CELF2: variants seen among roughly 807,000 people sequenced by gnomAD.
CELF2 encodes the protein CUG triplet repeat RNA-binding protein 2.
CELF2 carries 8 observed loss-of-function variants against 62.6 expected under a neutral mutation model. The observed-to-expected ratio is 0.13, with a 90% CI of 0.07 to 0.23. The LOEUF (loss-of-function observed/expected upper bound fraction) is 0.23. Among genes scored for constraint, CELF2 ranks in the 10% least tolerant of loss-of-function variants. The probability of loss-of-function intolerance (pLI) is 1.00; values close to 1 mark genes in which losing one functional copy is unlikely to be tolerated. For synonymous variants in CELF2, 258 were observed against 250.0 expected, an observed-to-expected ratio of 1.03 and a Z score of -0.30; for missense variants, 333 against 671.0, an observed-to-expected ratio of 0.50 and a Z score of 5.56.
intron 1 of CELF2, among the ~76,000 whole-genome samples, chr10:11,149,401 C>A (rs1424458438): frequency 6.6e-6 from 1 of 152,184 alleles, no homozygotes; most frequent in Non-Finnish European, 1.5e-5. Flanking sequence ...AATGTCCCCA[C>A]CCTCATCAGC....
chr10:10,652,634 C>T, the CELF2 span, among the ~76,000 whole-genome samples: 24 of 151,338 alleles, frequency 1.6e-4, no homozygotes, highest in Middle Eastern at 3.4e-3. Context: ...GCTTCATAAG[C>T]GAAGGAGAAA....
the CELF2 span, among the ~76,000 whole-genome samples, chr10:10,656,931 A>G: frequency 4.0e-5 from 6 of 151,652 alleles, no homozygotes; most frequent in East Asian, 1.9e-4. Context: ...AAAAAAAAAA[A>G]AAAGAAAACG....
the CELF2 span, among the ~76,000 whole-genome samples, chr10:10,769,910 T>C: frequency 6.6e-6 from 1 of 152,134 alleles, no homozygotes; most frequent in Non-Finnish European, 1.5e-5. Flanking sequence ...TTTACAGCAG[T>C]AGGGAGACTA....
chr10:10,875,010 A>T (rs889098613), intron 1 of CELF2, among the ~76,000 whole-genome samples: 7 of 152,238 alleles, frequency 4.6e-5, no homozygotes, highest in Non-Finnish European at 1.0e-4. Flanking sequence ...ATTATCAAGA[A>T]TAGTTAATAT....
chr10:10,954,150 T>C (rs2135802363), intron 2 of CELF2, among the ~76,000 whole-genome samples: 1 of 151,364 alleles, frequency 6.6e-6, no homozygotes. Flanking sequence ...GCCTCCCCTC[T>C]CCCACTGTGG....
Position 11,300,801 on chromosome 10 carries a change from A to G in CELF2, c.976+12249A>G, listed in dbSNP as rs2093644301. 6.6e-6 allele frequency among the ~76,000 whole-genome samples: 1 copy of G among 152,146 alleles called. No individual in the cohort carries two copies. Among genetic ancestry groups the G allele is most frequent in the Non-Finnish European group, 1.5e-5 (1 of 68,026 alleles). ...GACCGCGGGCTCCAGTGTCCTGAGT[A>G]TGTTTGGTCAATGCAGGCGATTTTC... On this transcript the variant is annotated intron_variant, in intron 9 of 12. Coordinates refer to ENST00000633077, the MANE Select transcript of CELF2 (RefSeq NM_001326342.2). The surrounding 1 kb of genome is among the most constrained non-coding windows in gnomAD (Gnocchi z 5.5).
At chr10:10,967,582 A>T (rs908314533) in intron 2 of CELF2, among the ~76,000 whole-genome samples, 1 of 152,232 alleles carries the variant, frequency 6.6e-6, no homozygotes, top group Non-Finnish European at 1.5e-5. Context: ...TGTGACCCTG[A>T]GTGCAGGAAG....
rs1206802120 is a variant in CELF2, at chr10:10,938,785, A to T, written c.89+18786A>T. ...GTGTAGGTGGGTTAGTGCCTGGACA[A>T]CTCAGGCTCGAGCCCGCTGGGGACC... On this transcript the variant is annotated intron_variant, in intron 2 of 13. Coordinates refer to the CELF2 transcript ENST00000636488. The surrounding 1 kb of genome is among the most constrained non-coding windows in gnomAD (Gnocchi z 4.2). Among the ~76,000 whole-genome samples, 1 of 152,046 alleles carries T rather than the reference A, an allele frequency of 6.6e-6. No individual in the cohort carries two copies. Among genetic ancestry groups the T allele is most frequent in the Non-Finnish European group, 1.5e-5 (1 of 67,996 alleles).
intron 1 of CELF2, among the ~76,000 whole-genome samples, chr10:11,099,640 A>G (rs1199381958): frequency 1.3e-5 from 2 of 152,220 alleles, no homozygotes; most frequent in Non-Finnish European, 2.9e-5. Context: ...AAATTTTTGT[A>G]GTCGGTGCTA....
At chr10:10,740,822 G>T in the CELF2 span, among the ~76,000 whole-genome samples, 1 of 152,126 alleles carries the variant, frequency 6.6e-6, no homozygotes, top group Non-Finnish European at 1.5e-5. Flanking sequence ...AGTGAAATAA[G>T]CCACAGAAAG....
chr10:11,007,606 T>A, intron 1 of CELF2, among the ~76,000 whole-genome samples: 1 of 152,222 alleles, frequency 6.6e-6, no homozygotes, highest in East Asian at 1.9e-4. Flanking sequence ...TCGGAACTGC[T>A]CATTCCATCG....
intron 1 of CELF2, among the ~76,000 whole-genome samples, chr10:10,866,560 G>A (rs1425430559): frequency 2.8e-5 from 4 of 140,596 alleles, no homozygotes; most frequent in African/African-American, 5.4e-5. Flanking sequence ...AGCCGAAATC[G>A]TGCCACTGCA....
chr10:11,160,499 A>G (rs1276521057), intron 1 of CELF2, among the ~76,000 whole-genome samples: 1 of 152,226 alleles, frequency 6.6e-6, no homozygotes, highest in East Asian at 1.9e-4. Flanking sequence ...ATAGCTATTT[A>G]GGTAAACTGA....
intron 2 of CELF2, among the ~76,000 whole-genome samples, chr10:11,189,196 G>A (rs1482662740): frequency 1.3e-5 from 2 of 152,090 alleles, no homozygotes; most frequent in African/African-American, 4.8e-5. Flanking sequence ...TTTTTGGAGG[G>A]CTCTTTGTCT....
chr10:10,550,154 G>A, the CELF2 span, among the ~76,000 whole-genome samples: 1 of 152,182 alleles, frequency 6.6e-6, no homozygotes, highest in East Asian at 1.9e-4. Context: ...TATGTTTTAT[G>A]TATTATACAG....
upstream of CELF2, among the ~76,000 whole-genome samples, chr10:11,001,463 A>G (rs564719992): frequency 8.1e-4 from 124 of 152,270 alleles, 2 homozygotes; most frequent in Non-Finnish European, 1.5e-3. Context: ...CAGAAAGCAG[A>G]AAAAAAACTT....
chr10:10,806,776 C>T (rs2055279738), intron 1 of CELF2, among the ~76,000 whole-genome samples: 1 of 152,176 alleles, frequency 6.6e-6, no homozygotes, highest in African/African-American at 2.4e-5. Flanking sequence ...GAGTTACAGT[C>T]ACCCACTCAA....
intron 2 of CELF2, among the ~76,000 whole-genome samples, chr10:10,965,245 A>G (rs2049997576): frequency 6.6e-6 from 1 of 152,162 alleles, no homozygotes; most frequent in Non-Finnish European, 1.5e-5. Flanking sequence ...TAAGTTAATA[A>G]CTTACTGTCC....
the CELF2 span, among the ~76,000 whole-genome samples, chr10:10,474,609 G>C: frequency 6.6e-6 from 1 of 152,062 alleles, no homozygotes; most frequent in African/African-American, 2.4e-5. Context: ...TGACAACCAT[G>C]TAAAATTGGA....
Sources: allele counts gnomAD v4.1 joint callset (sites outside exome capture counted in the v4.1 genomes callset), GRCh38; gene constraint gnomAD v4.1.1; non-coding constraint Gnocchi (gnomAD v3.1); transcripts MANE v1.5; gene names NCBI Gene and HGNC (gene_info 2026-07-23, HGNC 2026-07-21).